PLS3: variants seen among roughly 807,000 people sequenced by gnomAD.
PLS3 encodes the protein plastin 3.
In PLS3, 11 loss-of-function variants were observed where a neutral mutation model predicts 46.5. The ratio of observed to expected loss-of-function variants is 0.24; its 90% CI spans 0.15 to 0.39. The LOEUF (loss-of-function observed/expected upper bound fraction) is 0.39. PLS3 is among the 10% of genes least tolerant of loss of function. The pLI is 1.00. For missense variants in PLS3, 308 were observed against 461.8 expected (o/e 0.67, Z 3.05); for synonymous variants, 167 against 162.2 (o/e 1.03, Z -0.22).
chrX:115,624,945 G>A (rs1046173040), intron 3 of PLS3, among the ~76,000 whole-genome samples: 1 of 111,548 alleles, frequency 9.0e-6, no homozygotes, highest in African/African-American at 3.3e-5. Flanking sequence ...GAGGACTAGT[G>A]GCTTTTTCCA....
intron 1 of PLS3, among the ~76,000 whole-genome samples, chrX:115,571,327 G>A (rs985915884): frequency 3.6e-5 from 4 of 111,509 alleles, no homozygotes; most frequent in African/African-American, 1.3e-4. Context: ...AAACCAGCCT[G>A]GCCAACATAG....
At chrX:115,638,267 C>T (rs987424783) in intron 8 of PLS3, among the ~76,000 whole-genome samples, 1 of 111,435 alleles carries the variant, frequency 9.0e-6, no homozygotes, top group South Asian at 3.8e-4. Context: ...TCCACCACCA[C>T]GCCTGGTTAA....
intron 1 of PLS3, among the ~76,000 whole-genome samples, chrX:115,578,952 G>C (rs1556631543): frequency 9.0e-6 from 1 of 110,561 alleles, no homozygotes; most frequent in Non-Finnish European, 1.9e-5. Flanking sequence ...AAAAACCATA[G>C]TACAATAGCA....
chrX:115,593,429 G>A (rs2074359147), intron 1 of PLS3: 2 of 111,157 alleles, frequency 1.8e-5, no homozygotes, highest in Non-Finnish European at 3.8e-5. Flanking sequence ...AATACCGCCA[G>A]GCTGACAGGA....
chrX:115,647,394 A>G, intron 13 of PLS3, among the ~76,000 whole-genome samples, 156 bp from the exon 14 acceptor site: 1 of 112,502 alleles, frequency 8.9e-6, no homozygotes, highest in Middle Eastern at 4.6e-3. Context: ...AGATTGCGCC[A>G]CTGCACTCCA....
intron 1 of PLS3, among the ~76,000 whole-genome samples, chrX:115,570,076 A>G (rs2074203242): frequency 9.0e-6 from 1 of 111,046 alleles, no homozygotes; most frequent in Non-Finnish European, 1.9e-5. Context: ...AGCTGGGATT[A>G]TAGGCTCCTG....
intron 7 of PLS3, among the ~76,000 whole-genome samples, chrX:115,636,054 A>G (rs1465081351): frequency 9.0e-6 from 1 of 111,112 alleles, no homozygotes; most frequent in African/African-American, 3.3e-5. Context: ...ATAAGGATGA[A>G]TTATATTTCT....
intron 1 of PLS3, among the ~76,000 whole-genome samples, chrX:115,602,946 C>T (rs931078213): frequency 1.5e-4 from 17 of 110,852 alleles, no homozygotes; most frequent in African/African-American, 4.6e-4. Flanking sequence ...TCTCCTGGAC[C>T]TCATGGTACT....
At chrX:115,647,727 A>G in intron 14 of PLS3, 54 bp downstream of exon 14, 1 of 1,153,903 alleles carries the variant, frequency 8.7e-7, no homozygotes, top group African/African-American at 1.8e-5. Context: ...AACATCTATC[A>G]TTTGGGAAGG....
chrX:115,643,128 G>A (rs782652260), intron 9 of PLS3, among the ~76,000 whole-genome samples, 185 bp from the exon 10 acceptor site: 58 of 111,171 alleles, frequency 5.2e-4, no homozygotes, highest in Non-Finnish European at 8.8e-4. Context: ...GCCATCTAGT[G>A]TATATTACAG....
At chrX:115,625,825 A>C (rs2074704979) in intron 3 of PLS3, among the ~76,000 whole-genome samples, 2 of 111,745 alleles carry the variant, frequency 1.8e-5, no homozygotes, top group South Asian at 7.5e-4. Context: ...TGTTGAGCTA[A>C]CTCTGGGGTC....
intron 1 of PLS3, among the ~76,000 whole-genome samples, chrX:115,570,542 C>T (rs1276756634): frequency 5.3e-5 from 4 of 75,676 alleles, no homozygotes; most frequent in African/African-American, 2.3e-4. Flanking sequence ...CTTGCTTTGT[C>T]GCCCAGGCTG....
chrX:115,639,495 A>G (rs2074872876), intron 8 of PLS3, among the ~76,000 whole-genome samples: 1 of 111,841 alleles, frequency 8.9e-6, no homozygotes, highest in African/African-American at 3.3e-5. Flanking sequence ...CTCAGGGGTT[A>G]GTATGCACAT....
intron 1 of PLS3, among the ~76,000 whole-genome samples, chrX:115,590,852 A>G (rs1863737897): frequency 9.4e-6 from 1 of 106,839 alleles, no homozygotes; most frequent in African/African-American, 3.4e-5. Flanking sequence ...AGAAACAAAA[A>G]ACTGGCCGGG....
At chrX:115,592,358 T>G (rs187941456) in intron 1 of PLS3, among the ~76,000 whole-genome samples, 81 of 111,626 alleles carry the variant, frequency 7.3e-4, no homozygotes, top group African/African-American at 2.3e-3. Context: ...GTGGACCTTG[T>G]GAAATATGTG....
At position 115,606,834 on chromosome X, in the gene PLS3, T is replaced by A. The variant is rs782163942; in HGVS notation, c.-8-3409T>A. On this transcript the variant is annotated intron_variant, in intron 1 of 15. Transcript: ENST00000355899. ...TCGTTTGCATTTAACTTACGAATTT[T>A]AAAAAAAAATTTTTTTGGAGGCGAG... Among the ~76,000 whole-genome samples, 476 of 111,386 alleles carry A rather than the reference T, an allele frequency of 4.3e-3. 1 individual carries two copies. Among genetic ancestry groups the A allele is most frequent in the African/African-American group, 0.014 (441 of 30,680 alleles).
chrX:115,566,705 A>C (rs1457185373), intron 1 of PLS3, among the ~76,000 whole-genome samples: 1 of 97,301 alleles, frequency 1.0e-5, no homozygotes, highest in Non-Finnish European at 2.0e-5. Flanking sequence ...TTTGAGATGG[A>C]GTCTCGCTCT....
At chrX:115,579,759 G>T (rs1348463052) in intron 1 of PLS3, among the ~76,000 whole-genome samples, 1 of 111,615 alleles carries the variant, frequency 9.0e-6, no homozygotes, top group Non-Finnish European at 1.9e-5. Flanking sequence ...TTGAGACAGG[G>T]TCTTGCTCTG....
intron 2 of PLS3, among the ~76,000 whole-genome samples, chrX:115,619,218 G>A (rs2074625754): frequency 8.9e-6 from 1 of 112,199 alleles, no homozygotes; most frequent in Non-Finnish European, 1.9e-5. Flanking sequence ...TTACAGATGA[G>A]AAAACTAGGA....
Sources: gnomAD v4.1 joint callset for allele counts (sites outside exome capture counted in the v4.1 genomes callset) on GRCh38, gnomAD v4.1.1 for gene constraint, MANE v1.5 for transcripts, NCBI Gene and HGNC (gene_info 2026-07-23, HGNC 2026-07-21) for gene names.